Variants in PIK3CG observed in about 807,000 individuals in gnomAD.
PIK3CG encodes phosphatidylinositol 4,5-bisphosphate 3-kinase catalytic subunit gamma isoform.
A neutral mutation model predicts 102.3 loss-of-function variants in PIK3CG; 55 were observed. The observed-to-expected ratio is 0.54, with a 90% CI of 0.43 to 0.67. The LOEUF (loss-of-function observed/expected upper bound fraction) is 0.67. PIK3CG is among the 30% of genes least tolerant of loss of function. The pLI is 0.00. For synonymous variants in PIK3CG, 552 were observed against 540.0 expected (o/e 1.02, Z -0.31); for missense variants, 1,258 against 1,391.8 (o/e 0.90, Z 1.53).
In PIK3CG at chr7:106,868,068, C is replaced by G. The variant is rs1176924685; in HGVS notation, c.507C>G (p.His169Gln). 6.2e-7 allele frequency: 1 copy of G among 1,612,938 alleles called. No homozygotes were observed. Residue 169 changes from histidine to glutamine, a missense_variant, in exon 2 of 11, where the codon CAC (histidine) becomes CAG (glutamine). His to Gln is a conservative substitution (Grantham distance 24). Around this residue, in one of 2 missense-constraint regions of PIK3CG, gnomAD observed 832 missense variants for 787.5 expected, o/e 1.06. Coordinates refer to ENST00000496166, the MANE Select transcript of PIK3CG (RefSeq NM_001282426.2). This position sits in a 1 kb window ranked among gnomAD's most constrained non-coding sequence, Gnocchi z 6.2. Reference sequence around the variant, plus strand: ...ACGTCACTGACGTCAGCAACGTGCACGACGATGAGCTGGAGTTCACGCGCC... The same window carrying G: ...ACGTCACTGACGTCAGCAACGTGCAGGACGATGAGCTGGAGTTCACGCGCC... ...GYDVTDVSNV[H>Q]DDELEFTRRG...
chr7:106,877,844 C>T lies in PIK3CG; in HGVS notation c.2392-1675C>T, dbSNP rs4460309. Reference sequence around the variant, plus strand: ...GCAACAGTATACTTCCATTAACCCCCGCATCCTTTGCATTATTTTTATTAT... The same window carrying T: ...GCAACAGTATACTTCCATTAACCCCTGCATCCTTTGCATTATTTTTATTAT... On this transcript the variant is annotated intron_variant, in intron 5 of 10. Coordinates refer to ENST00000496166, the MANE Select transcript of PIK3CG (RefSeq NM_001282426.2). The surrounding 1 kb of genome is among the most constrained non-coding windows in gnomAD (Gnocchi z 4.5). Among the ~76,000 whole-genome samples the T allele has an allele frequency of 0.19, 28,504 of 152,066 alleles. 3,413 individuals are homozygous for T. The highest frequency in any genetic ancestry group is 0.26 in the Non-Finnish European group (18,003 of 67,948).
Position 106,907,766 on chromosome 7 carries a change from A to ACATATATATGCTAATATATATAAG in PIK3CG, c.*2401_*2402insAGCATATATATGCTAATATATATA, listed in dbSNP as rs1415525131. On this transcript the variant is annotated 3_prime_UTR_variant, in exon 11 of 11. Transcript: ENST00000496166. ...ACATATATATGCTAATATATATATA[A>ACATATATATGCTAATATATATAAG]CATATATATGCTAATATATATATAT... 6.8e-6 allele frequency among the ~76,000 whole-genome samples: 1 copy of ACATATATATGCTAATATATATAAG among 146,798 alleles called. No individual in the cohort carries two copies. The highest frequency in any genetic ancestry group is 6.9e-5 in the Admixed American group (1 of 14,578).
In PIK3CG at chr7:106,899,490, G is replaced by C. The variant is rs778541603; in HGVS notation, c.3031-5619G>C. ...CTTTTGCCCATTCAGTATAATGTTG[G>C]CTGTGGGTTTGTCATAAATGGCTCT... On this transcript the variant is annotated intron_variant, in intron 10 of 10. Transcript: ENST00000496166. The surrounding 1 kb of genome is among the most constrained non-coding windows in gnomAD (Gnocchi z 4.6). 2.6e-5 allele frequency among the ~76,000 whole-genome samples: 4 copies of C among 152,118 alleles called. No individual in the cohort carries two copies. The highest frequency in any genetic ancestry group is 5.9e-5 in the Non-Finnish European group (4 of 68,024).
chr7:106,906,196 C>A lies in PIK3CG; in HGVS notation c.*809C>A. The A allele has an allele frequency of 4.4e-6, 1 of 228,996 alleles. No homozygotes were observed. Among genetic ancestry groups the A allele is most frequent in the East Asian group, 6.3e-5 (1 of 15,988 alleles). The allele number at this position is 228,996 out of a possible 1,614,324, so 14.2% of individuals were successfully genotyped here. ...CTTCCCTTCCTTTTTCCCTGCCTCC[C>A]TTTTTCATCAATTGCGATGCTCCCA... On this transcript the variant is annotated 3_prime_UTR_variant, in exon 11 of 11. Coordinates refer to ENST00000496166, the MANE Select transcript of PIK3CG (RefSeq NM_001282426.2).
In PIK3CG at chr7:106,874,819, AT is replaced by A; in HGVS notation, c.2391+17del. The A allele has an allele frequency of 8.0e-6, 12 of 1,509,060 alleles. No individual in the cohort carries two copies. The highest frequency in any genetic ancestry group is 1.1e-5 in the South Asian group (1 of 88,662). 93.5% of individuals were successfully genotyped at this position (1,509,060 alleles called of 1,614,324 possible). On this transcript the variant is annotated intron_variant, in intron 5 of 10. Coordinates refer to ENST00000496166, the MANE Select transcript of PIK3CG (RefSeq NM_001282426.2). This position sits in a 1 kb window ranked among gnomAD's most constrained non-coding sequence, Gnocchi z 4.3. Reference sequence around the variant, plus strand: ...AGCGCTGGCAGTAGGTATCACTTGGATGTCTCCATGTGGTCTTTATGTCTTG... The same window carrying A: ...AGCGCTGGCAGTAGGTATCACTTGGAGTCTCCATGTGGTCTTTATGTCTTG...
rs999045633 is a variant in PIK3CG at position 106,905,349 on chromosome 7, G to A, written c.3271G>A (p.Val1091Ile). 6.8e-6 allele frequency: 11 copies of A among 1,614,024 alleles called. No homozygotes were observed. The highest frequency in any genetic ancestry group is 9.3e-6 in the Non-Finnish European group (11 of 1,179,924). Residue 1091 changes from valine to isoleucine, a missense_variant, in exon 11 of 11, where the codon GTT (valine) becomes ATT (isoleucine). This residue lies in a region of PIK3CG where 426 missense variants were observed against 604.2 expected (regional missense o/e 0.71). Transcript: ENST00000496166. The surrounding 1 kb of genome is among the most constrained non-coding windows in gnomAD (Gnocchi z 5.6). ...GCAGTTTAATTGGTTTCTACATCTTGTTCTTGGCATCAAACAAGGAGAGAA... is the reference window on the plus strand; with the variant it reads ...GCAGTTTAATTGGTTTCTACATCTTATTCTTGGCATCAAACAAGGAGAGAA... Reference protein sequence around the residue: ...TVQFNWFLHLVLGIKQGEKHS... With the variant: ...TVQFNWFLHLILGIKQGEKHS...
In PIK3CG at chr7:106,868,053, C is replaced by T. The variant is rs2116429263; in HGVS notation, c.492C>T (p.Asp164=). 1.2e-6 allele frequency: 2 copies of T among 1,612,820 alleles called. No homozygotes were observed. The highest frequency in any genetic ancestry group is 1.7e-6 in the Non-Finnish European group (2 of 1,179,340). ...CGCTGATTGGCTATGACGTCACTGA[C>T]GTCAGCAACGTGCACGACGATGAGC... ...LTALIGYDVT[D]VSNVHDDELE... Residue 164 remains aspartate, a synonymous_variant, in exon 2 of 11, where the codon GAC becomes GAT. Transcript: ENST00000496166. This position sits in a 1 kb window ranked among gnomAD's most constrained non-coding sequence, Gnocchi z 6.2.
rs1047358015 is a variant in PIK3CG at position 106,908,851 on chromosome 7, T to C, written c.*3464T>C. Among the ~76,000 whole-genome samples, 17 of 152,206 alleles carry C rather than the reference T, an allele frequency of 1.1e-4. No individual in the cohort carries two copies. Among genetic ancestry groups the C allele is most frequent in the African/African-American group, 4.1e-4 (17 of 41,454 alleles). ...GGCTCTGCTTTTCATGATTTTGAAA[T>C]AAATCATAATTAGACTTAACAATAT... On this transcript the variant is annotated 3_prime_UTR_variant, in exon 11 of 11. Coordinates refer to ENST00000496166, the MANE Select transcript of PIK3CG (RefSeq NM_001282426.2). This position sits in a 1 kb window ranked among gnomAD's most constrained non-coding sequence, Gnocchi z 4.1.
chr7:106,871,943 G>C (rs1790546498), intron 2 of PIK3CG, among the ~76,000 whole-genome samples: 2 of 152,198 alleles, frequency 1.3e-5, no homozygotes, highest in Non-Finnish European at 2.9e-5. Flanking sequence ...ACACACCACA[G>C]TGTGGCAGAG....
At position 106,879,445 on chromosome 7, in the gene PIK3CG, A is replaced by C. The variant is rs1790867354; in HGVS notation, c.2392-74A>C. Reference sequence around the variant, plus strand: ...CTTGTTGTTTATAGTGATGTTTTGCAAGAGAATTTGTGTCTCCACCATGTA... The same window carrying C: ...CTTGTTGTTTATAGTGATGTTTTGCCAGAGAATTTGTGTCTCCACCATGTA... On this transcript the variant is annotated intron_variant, in intron 5 of 10. Coordinates refer to ENST00000496166, the MANE Select transcript of PIK3CG (RefSeq NM_001282426.2). This position sits in a 1 kb window ranked among gnomAD's most constrained non-coding sequence, Gnocchi z 4.9. The C allele has an allele frequency of 3.3e-6, 4 of 1,197,658 alleles. No homozygotes were observed. Among genetic ancestry groups the C allele is most frequent in the Non-Finnish European group, 4.9e-6 (4 of 809,850 alleles). 74.2% of individuals were successfully genotyped at this position (1,197,658 alleles called of 1,614,324 possible). A position where few individuals can be genotyped will look rare whatever the true frequency, so the allele number is the denominator to read the frequency against.
Position 106,905,230 on chromosome 7 carries a change from T to C in PIK3CG, c.3152T>C (p.Ile1051Thr). 6.2e-7 allele frequency: 1 copy of C among 1,614,124 alleles called. No individual in the cohort carries two copies. Among genetic ancestry groups the C allele is most frequent in the South Asian group, 1.1e-5 (1 of 91,080 alleles). ...QLTSKEDIEY[I>T]RDALTVGKNE... is the part of the protein sequence containing the mutation. ...ACAAGCAAAGAAGACATTGAATATA[T>C]CCGGGATGCCCTCACAGTGGGGAAA... Residue 1051 changes from isoleucine to threonine, a missense_variant, in exon 11 of 11, where the codon ATC becomes ACC. Physicochemically the swap from Ile to Thr is moderately conservative, Grantham distance 89 (BLOSUM62 -1). Transcript: ENST00000496166. The surrounding 1 kb of genome is among the most constrained non-coding windows in gnomAD (Gnocchi z 5.6).
rs548929279 is a variant in PIK3CG at position 106,890,255 on chromosome 7, C to G, written c.3030+3963C>G. Among the ~76,000 whole-genome samples the G allele has an allele frequency of 3.3e-5, 5 of 150,864 alleles. No homozygotes were observed. The highest frequency in any genetic ancestry group is 7.4e-5 in the Non-Finnish European group (5 of 67,566). On this transcript the variant is annotated intron_variant, in intron 10 of 10. Coordinates refer to ENST00000496166, the MANE Select transcript of PIK3CG (RefSeq NM_001282426.2). The surrounding 1 kb of genome is among the most constrained non-coding windows in gnomAD (Gnocchi z 4.2). ...GGAATGCAGTGGTGTGATCTCGGCT[C>G]ACTGCAACCTCTGCCTCCTGGGTTC... is the stretch of plus-strand genomic sequence containing the variant.
chr7:106,867,862 C>G lies in PIK3CG; in HGVS notation c.301C>G (p.Gln101Glu), dbSNP rs2116423879. ...LGPHHFLLLYQKKGQWYEIYD... is the reference protein window; with the variant it reads ...LGPHHFLLLYEKKGQWYEIYD... ...ACCGCATCACTTCCTCCTGCTCTATCAGAAGAAGGGGCAGTGGTACGAGAT... is the reference window on the plus strand; with the variant it reads ...ACCGCATCACTTCCTCCTGCTCTATGAGAAGAAGGGGCAGTGGTACGAGAT... Residue 101 changes from glutamine (Q) to glutamate (E), a missense_variant, in exon 2 of 11, where the codon CAG becomes GAG. Physicochemically the swap from Gln to Glu is conservative, Grantham distance 29 (BLOSUM62 2). Transcript: ENST00000496166. The surrounding 1 kb of genome is among the most constrained non-coding windows in gnomAD (Gnocchi z 5.1). 1 of 1,612,752 alleles carries G rather than the reference C, an allele frequency of 6.2e-7. No individual in the cohort carries two copies. Among genetic ancestry groups the G allele is most frequent in the Non-Finnish European group, 8.5e-7 (1 of 1,179,892 alleles).
chr7:106,870,507 G>T (rs1357601753), intron 2 of PIK3CG, among the ~76,000 whole-genome samples: 1 of 152,184 alleles, frequency 6.6e-6, no homozygotes, highest in Non-Finnish European at 1.5e-5. Flanking sequence ...GGCATTAAAT[G>T]AGTACACACA....
Position 106,877,718 on chromosome 7 carries a change from T to C in PIK3CG, c.2392-1801T>C, listed in dbSNP as rs1377088711. ...TGTGTGGGTCTACACCTAGATTCTC[T>C]GTTCTGTTCCACTGATCTAAATGTC... is the stretch of plus-strand genomic sequence containing the variant. On this transcript the variant is annotated intron_variant, in intron 5 of 10. Transcript: ENST00000496166. The surrounding 1 kb of genome is among the most constrained non-coding windows in gnomAD (Gnocchi z 4.5). 1.3e-5 allele frequency among the ~76,000 whole-genome samples: 2 copies of C among 152,226 alleles called. No homozygotes were observed. Among genetic ancestry groups the C allele is most frequent in the Non-Finnish European group, 2.9e-5 (2 of 68,042 alleles).
Position 106,889,570 on chromosome 7 carries a change from T to C in PIK3CG, c.3030+3278T>C, listed in dbSNP as rs142029167. ...GAATTAAAGGTGTCCTCATTTCCAG[T>C]GAATCACTTATTTTGAATTGATAAG... On this transcript the variant is annotated intron_variant, in intron 10 of 10. Transcript: ENST00000496166. 1.7e-3 allele frequency among the ~76,000 whole-genome samples: 264 copies of C among 152,334 alleles called. 3 individuals carry two copies. Among genetic ancestry groups the C allele is most frequent in the African/African-American group, 5.9e-3 (244 of 41,578 alleles).
intron 10 of PIK3CG, among the ~76,000 whole-genome samples, chr7:106,904,147 G>A (rs997167208): frequency 2.0e-5 from 3 of 151,844 alleles, no homozygotes; most frequent in Non-Finnish European, 2.9e-5. Flanking sequence ...TCTTCACATT[G>A]TCATATTTTA....
chr7:106,869,383 T>G lies in PIK3CG; in HGVS notation c.1822T>G (p.Tyr608Asp). The G allele has an allele frequency of 1.2e-6, 2 of 1,614,226 alleles. No individual in the cohort carries two copies. The highest frequency in any genetic ancestry group is 1.7e-6 in the Non-Finnish European group (2 of 1,180,034). Residue 608 changes from tyrosine (Y) to aspartate (D), a missense_variant, in exon 2 of 11, where the codon TAC becomes GAC. Physicochemically the swap from Tyr to Asp is radical, Grantham distance 160. Around this residue, in one of 2 missense-constraint regions of PIK3CG, gnomAD observed 426 missense variants for 604.2 expected, o/e 0.71. Transcript: ENST00000496166. The surrounding 1 kb of genome is among the most constrained non-coding windows in gnomAD (Gnocchi z 5.3). ...WGQQEIVAKT[Y>D]QLLARREVWD... ...ACAGCAAGAAATTGTGGCCAAAACA[T>G]ACCAATTGTTGGCCAGAAGGGAAGT...
In PIK3CG at chr7:106,892,674, C is replaced by T. The variant is rs1162485005; in HGVS notation, c.3030+6382C>T. The stretch of plus-strand genomic sequence containing the variant: ...CATGGCAAGAAAGCTACTTACACAA[C>T]TTTGTGCCAAGAAATACCTTGTGCT... On this transcript the variant is annotated intron_variant, in intron 10 of 10. Coordinates refer to ENST00000496166, the MANE Select transcript of PIK3CG (RefSeq NM_001282426.2). The surrounding 1 kb of genome is among the most constrained non-coding windows in gnomAD (Gnocchi z 5.2). Among the ~76,000 whole-genome samples, 2 of 152,214 alleles carry T rather than the reference C, an allele frequency of 1.3e-5. No individual in the cohort carries two copies. Among genetic ancestry groups the T allele is most frequent in the African/African-American group, 4.8e-5 (2 of 41,464 alleles).
Sources: allele counts gnomAD v4.1 joint callset (sites outside exome capture counted in the v4.1 genomes callset), GRCh38; gene constraint gnomAD v4.1.1; regional missense constraint gnomAD v4.1.1; non-coding constraint Gnocchi (gnomAD v3.1); transcripts MANE v1.5; gene names NCBI Gene and HGNC (gene_info 2026-07-23, HGNC 2026-07-21).